The following CSMD1 variants were observed in gnomAD, a reference collection of about 807,000 sequenced individuals.
CSMD1 encodes the protein CUB and Sushi multiple domains 1, also known as CUB and sushi domain-containing protein 1.
Under a neutral mutation model 417.5 loss-of-function variants are expected in CSMD1, and 213 were observed. That is an observed-to-expected ratio of 0.51 (90% CI 0.46 to 0.57). The LOEUF (loss-of-function observed/expected upper bound fraction) is 0.57, where lower values mean the gene tolerates loss of function less well. Ranked by LOEUF, CSMD1 falls within the 20% of genes least tolerant of loss-of-function variation. The probability of loss-of-function intolerance (pLI) is 0.00; values close to 1 mark genes in which losing one functional copy is unlikely to be tolerated. For synonymous variants in CSMD1, 2,862 were observed against 1,736.8 expected, an observed-to-expected ratio of 1.65 and a Z score of -16.11; for missense variants, 6,923 against 4,529.7, an observed-to-expected ratio of 1.53 and a Z score of -15.17.
At chr8:4,120,406 C>A (rs1303442845) in intron 3 of CSMD1, among the ~76,000 whole-genome samples, 4 of 152,122 alleles carry the variant, frequency 2.6e-5, no homozygotes, top group African/African-American at 9.7e-5. Flanking sequence ...TATGCCCATC[C>A]AATTGTTTGT....
intron 26 of CSMD1, among the ~76,000 whole-genome samples, chr8:3,249,907 T>A (rs979942772): frequency 1.2e-4 from 18 of 152,202 alleles, no homozygotes; most frequent in African/African-American, 4.3e-4. Flanking sequence ...CAAAGCCAAC[T>A]AAATTATAGA....
At position 4,815,850 on chromosome 8, in the gene CSMD1, T is replaced by C. The variant is rs137870968; in HGVS notation, c.86-178292A>G. 2.5e-3 allele frequency among the ~76,000 whole-genome samples: 386 copies of C among 152,186 alleles called. 1 individual carries two copies. Among genetic ancestry groups the C allele is most frequent in the African/African-American group, 8.8e-3 (366 of 41,532 alleles). On this transcript the variant is annotated intron_variant, in intron 1 of 69. Transcript: ENST00000635120. ...AAATGTTGGCTCCCAAGAAGGGCTG[T>C]GGTTGTTTTAAAGAGTGGGACTGCT...
chr8:4,779,536 C>T (rs1349951953), intron 1 of CSMD1, among the ~76,000 whole-genome samples: 1 of 152,058 alleles, frequency 6.6e-6, no homozygotes, highest in African/African-American at 2.4e-5. Flanking sequence ...GGAACATTAA[C>T]CAAGGGTTAT....
intron 2 of CSMD1, among the ~76,000 whole-genome samples, chr8:4,495,351 G>T (rs1226726007): frequency 6.6e-6 from 1 of 152,126 alleles, no homozygotes; most frequent in Non-Finnish European, 1.5e-5. Context: ...TGAGGCGGGC[G>T]GATCACGAAG....
chr8:2,988,193 T>C (rs115007148), intron 54 of CSMD1, among the ~76,000 whole-genome samples: 39 of 152,312 alleles, frequency 2.6e-4, no homozygotes, highest in Admixed American at 1.6e-3. Flanking sequence ...AATGATTCTT[T>C]AGTGAAGTTT....
intron 3 of CSMD1, among the ~76,000 whole-genome samples, chr8:4,139,011 A>G (rs939798345): frequency 1.1e-4 from 17 of 152,128 alleles, no homozygotes; most frequent in Admixed American, 6.6e-5. Flanking sequence ...CCACATGCAG[A>G]AAGGACATAT....
At chr8:3,714,036 A>T (rs1281432649) in intron 6 of CSMD1, among the ~76,000 whole-genome samples, 3 of 149,432 alleles carry the variant, frequency 2.0e-5, no homozygotes, top group Non-Finnish European at 4.4e-5. Context: ...AGATAGATAG[A>T]TAGATAGATA....
In CSMD1 at chr8:4,323,682, T is replaced by C. The variant is rs138624706; in HGVS notation, c.415+96271A>G. Among the ~76,000 whole-genome samples the C allele has an allele frequency of 1.4e-3, 207 of 152,188 alleles. 2 individuals carry two copies. Among genetic ancestry groups the C allele is most frequent in the African/African-American group, 4.7e-3 (197 of 41,532 alleles). On this transcript the variant is annotated intron_variant, in intron 3 of 69. Transcript: ENST00000635120. ...GTGGACTCTACAAACAAGAATTATATAGGAAATGTATAAAATAGAAGGAAG... is the reference window on the plus strand; with the variant it reads ...GTGGACTCTACAAACAAGAATTATACAGGAAATGTATAAAATAGAAGGAAG...
chr8:4,466,547 G>C lies in CSMD1; in HGVS notation c.303-46482C>G, dbSNP rs549518830. On this transcript the variant is annotated intron_variant, in intron 2 of 69. Coordinates refer to ENST00000635120, the MANE Select transcript of CSMD1 (RefSeq NM_033225.6). The stretch of plus-strand genomic sequence containing the variant: ...TGGAAAGCTGTGTTTGGAAAACCAT[G>C]AGCAAAAATGGGCAAACAAATGCCA... 2.0e-5 allele frequency among the ~76,000 whole-genome samples: 3 copies of C among 152,288 alleles called. No individual in the cohort carries two copies. In the East Asian group the frequency reaches 5.8e-4, roughly 29 times the overall value.
At position 3,261,498 on chromosome 8, in the gene CSMD1, CA is replaced by C. The variant is rs553505788; in HGVS notation, c.4153+22645del. Among the ~76,000 whole-genome samples the C allele has an allele frequency of 2.0e-3, 310 of 152,212 alleles. 2 individuals carry two copies. The highest frequency in any genetic ancestry group is 7.0e-3 in the African/African-American group (291 of 41,522). ...GTGTAACCAAATACCACCTGAACCCCAAAAACTTACAGAAAAATAAAATAAT... is the reference window on the plus strand; with the variant it reads ...GTGTAACCAAATACCACCTGAACCCCAAAACTTACAGAAAAATAAAATAAT... On this transcript the variant is annotated intron_variant, in intron 26 of 69. Transcript: ENST00000635120.
rs368452748 is a variant in CSMD1, at chr8:4,891,688, T to C, written c.85+102644A>G. ...ACTATGTATTTATCCTAAGGGCTTA[T>C]ATTAATGCATACAAAACCACTTTAA... On this transcript the variant is annotated intron_variant, in intron 1 of 69. Transcript: ENST00000635120. Among the ~76,000 whole-genome samples, 31 of 152,128 alleles carry C rather than the reference T, an allele frequency of 2.0e-4. No individual in the cohort carries two copies. The East Asian group carries it at 2.3e-3, about 11-fold the overall frequency.
intron 7 of CSMD1, among the ~76,000 whole-genome samples, chr8:3,669,450 G>C (rs183157558): frequency 3.3e-5 from 5 of 152,218 alleles, no homozygotes; most frequent in African/African-American, 9.6e-5. Context: ...TGATGGTCCT[G>C]TTCATTCATT....
intron 3 of CSMD1, among the ~76,000 whole-genome samples, chr8:4,033,474 T>C (rs1797463002): frequency 1.3e-5 from 2 of 152,154 alleles, no homozygotes; most frequent in South Asian, 4.2e-4. Flanking sequence ...AAAAAAACCT[T>C]TGATTCTACC....
intron 5 of CSMD1, among the ~76,000 whole-genome samples, chr8:3,826,171 C>T (rs1472364606): frequency 1.3e-5 from 2 of 151,990 alleles, no homozygotes; most frequent in African/African-American, 4.8e-5. Flanking sequence ...GAGGCTTTGA[C>T]TGAGTTGAAA....
At chr8:3,429,949 T>A (rs950166150) in intron 12 of CSMD1, among the ~76,000 whole-genome samples, 6 of 152,212 alleles carry the variant, frequency 3.9e-5, no homozygotes, top group Admixed American at 2.6e-4. Flanking sequence ...TCAATCTCGA[T>A]ATGTATTAAT....
intron 2 of CSMD1, among the ~76,000 whole-genome samples, chr8:4,427,258 G>C (rs541963908): frequency 1.3e-5 from 2 of 152,304 alleles, no homozygotes; most frequent in Admixed American, 6.5e-5. Context: ...CTCAGTCCAA[G>C]AGATCACTTG....
intron 11 of CSMD1, among the ~76,000 whole-genome samples, chr8:3,472,655 G>A (rs1174007566): frequency 6.6e-6 from 1 of 151,830 alleles, no homozygotes. Context: ...CTGAATTATA[G>A]TCAGTGTATT....
chr8:3,574,817 G>C, intron 10 of CSMD1, 128 bp downstream of exon 10: 1 of 1,088,824 alleles, frequency 9.2e-7, no homozygotes, highest in Non-Finnish European at 1.3e-6. Context: ...ACAGGATGCA[G>C]CTGGAACTTT....
chr8:3,438,225 A>G (rs1004958385), intron 12 of CSMD1, among the ~76,000 whole-genome samples: 1 of 152,198 alleles, frequency 6.6e-6, no homozygotes, highest in Non-Finnish European at 1.5e-5. Context: ...AAGAGGTAAT[A>G]CAAAGTTCTC....
Sources: gnomAD v4.1 joint callset for allele counts (sites outside exome capture counted in the v4.1 genomes callset) on GRCh38, gnomAD v4.1.1 for gene constraint, MANE v1.5 for transcripts, NCBI Gene and HGNC (gene_info 2026-07-23, HGNC 2026-07-21) for gene names.